The following BICD1 variants were observed in gnomAD, a reference collection of about 807,000 sequenced individuals.
BICD1 encodes the protein BICD cargo adaptor 1, also known as protein bicaudal D homolog 1.
A neutral mutation model predicts 92.5 loss-of-function variants in BICD1; 35 were observed. The observed-to-expected ratio is 0.38, with a 90% confidence interval of 0.29 to 0.50. The LOEUF (loss-of-function observed/expected upper bound fraction) is 0.50. BICD1 is among the 20% of genes least tolerant of loss of function. The pLI, the probability that BICD1 is intolerant of heterozygous loss-of-function variation, is 0.93. For synonymous variants in BICD1, 429 were observed against 465.1 expected, an observed-to-expected ratio of 0.92 and a Z score of 1.00; for missense variants, 950 against 1,189.8, an observed-to-expected ratio of 0.80 and a Z score of 2.97.
chr12:32,144,304 G>T (rs999118371), intron 1 of BICD1, among the ~76,000 whole-genome samples: 2 of 152,122 alleles, frequency 1.3e-5, no homozygotes, highest in Non-Finnish European at 2.9e-5. Flanking sequence ...TGCATATATA[G>T]AGGCTTGAGT....
chr12:32,323,584 G>T (rs958610814), intron 4 of BICD1, among the ~76,000 whole-genome samples: 10 of 152,160 alleles, frequency 6.6e-5, no homozygotes, highest in African/African-American at 2.4e-4. Context: ...GGAATAATTT[G>T]GTTTCTGCAG....
rs192176193 is a variant in BICD1 at position 32,282,874 on chromosome 12, T to C, written c.427-11120T>C. On this transcript the variant is annotated intron_variant, in intron 2 of 9. Coordinates refer to ENST00000652176, the MANE Select transcript of BICD1 (RefSeq NM_001714.4). ...ACAACGTGCAAGTTGTTGATGACTT[T>C]GACGAGACCAGGTTCAGTGTTCTTT... Among the ~76,000 whole-genome samples, 3 of 152,360 alleles carry C rather than the reference T, an allele frequency of 2.0e-5. 1 individual carries two copies. Among genetic ancestry groups the C allele is most frequent in the East Asian group, 1.9e-4 (1 of 5,192 alleles).
At chr12:32,358,597 C>T (rs1288144770) in intron 8 of BICD1, among the ~76,000 whole-genome samples, 1 of 151,766 alleles carries the variant, frequency 6.6e-6, no homozygotes, top group Non-Finnish European at 1.5e-5. Flanking sequence ...GTTAACTGGG[C>T]GTGGTGGTGC....
In BICD1 at chr12:32,325,732, G is replaced by T. The variant is rs139007805; in HGVS notation, c.1006-1729G>T. ...TATAATAATTTTACTTGCCACCTAG[G>T]GATTTAGAAGAGTTCAGAGGGATTT... On this transcript the variant is annotated intron_variant, in intron 4 of 9. Transcript: ENST00000652176. 5.8e-3 allele frequency among the ~76,000 whole-genome samples: 889 copies of T among 151,966 alleles called. 7 individuals carry two copies. Among genetic ancestry groups the T allele is most frequent in the African/African-American group, 0.02 (832 of 41,438 alleles).
chr12:32,333,046 G>T, intron 5 of BICD1: 3 of 985,322 alleles, frequency 3.0e-6, no homozygotes, highest in Non-Finnish European at 3.6e-6. Context: ...AACAATAAAT[G>T]ATTTTGTATT....
chr12:32,266,808 A>G (rs938121515), intron 2 of BICD1, among the ~76,000 whole-genome samples: 2 of 151,830 alleles, frequency 1.3e-5, no homozygotes, highest in Admixed American at 6.6e-5. Flanking sequence ...CAGTGAGCCA[A>G]GATCACGTCA....
At chr12:32,270,536 G>A (rs1409702571) in intron 2 of BICD1, among the ~76,000 whole-genome samples, 1 of 152,170 alleles carries the variant, frequency 6.6e-6, no homozygotes, top group Non-Finnish European at 1.5e-5. Context: ...ATTAAATGGT[G>A]AATAAGAACT....
intron 5 of BICD1, among the ~76,000 whole-genome samples, chr12:32,331,059 C>T (rs544888569): frequency 4.8e-4 from 73 of 151,974 alleles, no homozygotes; most frequent in African/African-American, 1.5e-3. Flanking sequence ...ACTTGAACCC[C>T]GGGGGGCGGA....
rs1945177703 is a variant in BICD1, at chr12:32,210,282, T to G, written c.214-5965T>G. On this transcript the variant is annotated intron_variant, in intron 1 of 9. Coordinates refer to ENST00000652176, the MANE Select transcript of BICD1 (RefSeq NM_001714.4). ...GCAGTTTCAAATCAAAAGTATTTTG[T>G]CTAATGTCCCTGGGTGACCTAGTAC... is the stretch of plus-strand genomic sequence containing the variant. Among the ~76,000 whole-genome samples the G allele has an allele frequency of 3.9e-5, 6 of 152,314 alleles. No individual in the cohort carries two copies. In the South Asian group the frequency reaches 1.2e-3, roughly 32 times the overall value.
chr12:32,134,042 A>G (rs1942646879), intron 1 of BICD1, among the ~76,000 whole-genome samples: 1 of 152,064 alleles, frequency 6.6e-6, no homozygotes, highest in Non-Finnish European at 1.5e-5. Flanking sequence ...CGGCCTCCCA[A>G]AGTGCTGGGA....
At chr12:32,175,602 GC>G (rs1029000825) in intron 1 of BICD1, among the ~76,000 whole-genome samples, 2 of 152,174 alleles carry the variant, frequency 1.3e-5, no homozygotes, top group Non-Finnish European at 2.9e-5. Context: ...ACAGGCATGA[GC>G]CACCAATCCC....
At chr12:32,265,802 G>C (rs1946980430) in intron 2 of BICD1, among the ~76,000 whole-genome samples, 1 of 151,644 alleles carries the variant, frequency 6.6e-6, no homozygotes, top group Non-Finnish European at 1.5e-5. Context: ...CAAATTTTCA[G>C]TCTTGGTCGG....
At position 32,337,612 on chromosome 12, in the gene BICD1, C is replaced by A. The variant is rs1260328579; in HGVS notation, c.2366C>A (p.Ala789Asp). ...CGAATGGCTATCCAGCAAAAACTCG[C>A]CCTGACCCAGAGGCTGGAGGACTTA... Reference protein sequence around the residue: ...LLRMAIQQKLALTQRLEDLEF... With the variant: ...LLRMAIQQKLDLTQRLEDLEF... The change falls in exon 7 of 10, where the codon GCC becomes GAC. Residue 789 changes from alanine to aspartate, a missense_variant. Around this residue, in one of 5 missense-constraint regions of BICD1, gnomAD observed 309 missense variants for 499.4 expected, o/e 0.62. Coordinates refer to ENST00000652176, the MANE Select transcript of BICD1 (RefSeq NM_001714.4). This position sits in a 1 kb window ranked among gnomAD's most constrained non-coding sequence, Gnocchi z 4.7. 1 of 1,614,150 alleles carries A rather than the reference C, an allele frequency of 6.2e-7. No individual in the cohort carries two copies. Among genetic ancestry groups the A allele is most frequent in the South Asian group, 1.1e-5 (1 of 91,086 alleles).
intron 9 of BICD1, among the ~76,000 whole-genome samples, chr12:32,375,443 T>C (rs1390028489): frequency 6.6e-6 from 1 of 152,014 alleles, no homozygotes; most frequent in East Asian, 1.9e-4. Flanking sequence ...AGCAGGAGAA[T>C]TGCTTGAACC....
intron 8 of BICD1, chr12:32,339,995 C>A: frequency 1.2e-6 from 1 of 861,692 alleles, no homozygotes; most frequent in Non-Finnish European, 1.4e-6. Flanking sequence ...CCACAGTCAC[C>A]ACTCCTCCTT....
At chr12:32,319,170 A>G (rs1450187641) in intron 4 of BICD1, among the ~76,000 whole-genome samples, 2 of 152,222 alleles carry the variant, frequency 1.3e-5, no homozygotes, top group Non-Finnish European at 2.9e-5. Context: ...CTAGAACTCT[A>G]GTACAATGAT....
intron 2 of BICD1, among the ~76,000 whole-genome samples, chr12:32,285,647 G>A (rs1021618021): frequency 8.5e-5 from 13 of 152,068 alleles, no homozygotes; most frequent in Non-Finnish European, 1.0e-4. Flanking sequence ...CAAATAATGA[G>A]GTGACTCTAT....
chr12:32,328,623 A>T lies in BICD1; in HGVS notation c.2100+68A>T, dbSNP rs1937671197. On this transcript the variant is annotated intron_variant, in intron 5 of 9. Transcript: ENST00000652176. This position sits in a 1 kb window ranked among gnomAD's most constrained non-coding sequence, Gnocchi z 4.4. ...CTTAACTAATTTATTCCCTAATTTT[A>T]TTGAGTATCGAGTATCGTCAAGATG... 1.3e-6 allele frequency: 2 copies of T among 1,536,356 alleles called. No individual in the cohort carries two copies. The highest frequency in any genetic ancestry group is 1.8e-6 in the Non-Finnish European group (2 of 1,142,016).
chr12:32,219,080 T>C (rs1945439284), intron 2 of BICD1, among the ~76,000 whole-genome samples: 1 of 152,180 alleles, frequency 6.6e-6, no homozygotes, highest in Non-Finnish European at 1.5e-5. Flanking sequence ...AGAGAGATCA[T>C]GTAACTTAGA....
Sources: gnomAD v4.1 joint callset for allele counts (sites outside exome capture counted in the v4.1 genomes callset) on GRCh38, gnomAD v4.1.1 for gene constraint, gnomAD v4.1.1 regional missense constraint, Gnocchi (gnomAD v3.1) non-coding constraint, MANE v1.5 for transcripts, NCBI Gene and HGNC (gene_info 2026-07-23, HGNC 2026-07-21) for gene names.